Variants in LRPPRC observed in about 807,000 individuals in gnomAD.
LRPPRC encodes the protein leucine-rich PPR motif-containing protein, mitochondrial.
A neutral mutation model predicts 180.3 loss-of-function variants in LRPPRC; 120 were observed. The ratio of observed to expected loss-of-function variants is 0.67; its 90% CI spans 0.57 to 0.77. The LOEUF (loss-of-function observed/expected upper bound fraction) is 0.77. Ranked by LOEUF, LRPPRC falls within the 30% of genes least tolerant of loss-of-function variation. The pLI, the probability that LRPPRC is intolerant of heterozygous loss-of-function variation, is 0.00. For missense variants in LRPPRC, 2,012 were observed against 1,657.2 expected, an observed-to-expected ratio of 1.21 and a Z score of -3.72; for synonymous variants, 723 against 600.0, an observed-to-expected ratio of 1.21 and a Z score of -3.00.
At position 43,976,147 on chromosome 2, in the gene LRPPRC, C is replaced by G; in HGVS notation, c.733G>C (p.Ala245Pro). Residue 245 changes from alanine (A) to proline (P), a missense_variant, in exon 6 of 38, where the codon GCT becomes CCT. Physicochemically the swap from Ala to Pro is conservative, Grantham distance 27. Transcript: ENST00000260665. The part of the protein sequence containing the change: ...FSALVTGHAR[A>P]GDMENAENIL... ...AAACCTTAGGTTGAACATTACCCAG[C>G]TCTGGCATGCCCTGTCACAAGGGCA... 6.2e-7 allele frequency: 1 copy of G among 1,600,018 alleles called. No individual in the cohort carries two copies. Among genetic ancestry groups the G allele is most frequent in the South Asian group, 1.1e-5 (1 of 90,748 alleles).
At chr2:43,916,918 C>G (rs1409680309) in intron 29 of LRPPRC, among the ~76,000 whole-genome samples, 1 of 124,252 alleles carries the variant, frequency 8.0e-6, no homozygotes, top group Non-Finnish European at 1.6e-5. Context: ...GCACTCCAGT[C>G]TGGGTGACAG....
chr2:43,963,170 C>T (rs1673418085), intron 12 of LRPPRC, among the ~76,000 whole-genome samples: 1 of 152,148 alleles, frequency 6.6e-6, no homozygotes, highest in Non-Finnish European at 1.5e-5. Flanking sequence ...CAGGGCCAGG[C>T]GCGGTGGCTG....
intron 1 of LRPPRC, among the ~76,000 whole-genome samples, chr2:43,987,845 T>C (rs533302563): frequency 1.3e-5 from 2 of 152,358 alleles, no homozygotes; most frequent in South Asian, 4.1e-4. Flanking sequence ...ATATATTTAC[T>C]GAGTGCTTTC....
intron 3 of LRPPRC, 61 bp downstream of exon 3, chr2:43,979,765 T>C (rs1254476158): frequency 1.3e-6 from 2 of 1,501,840 alleles, no homozygotes; most frequent in Non-Finnish European, 9.3e-7. Flanking sequence ...ACAAACACTT[T>C]TTTGCAAAAA....
intron 1 of LRPPRC, among the ~76,000 whole-genome samples, chr2:43,990,343 C>A (rs987858993): frequency 6.6e-6 from 1 of 152,192 alleles, no homozygotes; most frequent in Non-Finnish European, 1.5e-5. Flanking sequence ...TCTCAAGAAA[C>A]GGATCTTTTC....
In LRPPRC at chr2:43,946,297, T is replaced by C. The variant is rs1325382519; in HGVS notation, c.2080-54A>G. ...AGAAATCAGTGTGAAGGTAAAAATG[T>C]CACATTTTTAGCTTTACTGTTCAGA... On this transcript the variant is annotated intron_variant, in intron 20 of 37. Transcript: ENST00000260665. 5 of 1,423,378 alleles carry C rather than the reference T, an allele frequency of 3.5e-6. No individual in the cohort carries two copies. The African/African-American group carries it at 7.1e-5, about 20-fold the overall frequency. 88.2% of individuals were successfully genotyped at this position (1,423,378 alleles called of 1,614,324 possible).
At chr2:43,898,013 G>A (rs1572892528) in intron 34 of LRPPRC, among the ~76,000 whole-genome samples, 1 of 115,478 alleles carries the variant, frequency 8.7e-6, no homozygotes, top group Non-Finnish European at 1.8e-5. Flanking sequence ...AAGATAGCAA[G>A]ATAAAACAAT....
At chr2:43,898,966 C>T (rs566446519) in intron 34 of LRPPRC, among the ~76,000 whole-genome samples, 55 of 152,264 alleles carry the variant, frequency 3.6e-4, no homozygotes, top group African/African-American at 1.3e-3. Context: ...TACCTACCCC[C>T]GCACCACCCG....
intron 11 of LRPPRC, among the ~76,000 whole-genome samples, chr2:43,972,791 TTC>T (rs531039984): frequency 1.5e-3 from 226 of 152,338 alleles, no homozygotes; most frequent in Non-Finnish European, 2.7e-3. Flanking sequence ...TGTTTGTGCA[TTC>T]TGTTTGTCAC....
At chr2:43,950,007 C>G (rs1471072444) in intron 15 of LRPPRC, among the ~76,000 whole-genome samples, 3 of 152,076 alleles carry the variant, frequency 2.0e-5, no homozygotes, top group African/African-American at 7.2e-5. Context: ...AATATTATTC[C>G]TCATTATATT....
intron 36 of LRPPRC, among the ~76,000 whole-genome samples, chr2:43,890,706 A>T (rs1670460690): frequency 6.6e-6 from 1 of 152,188 alleles, no homozygotes; most frequent in Non-Finnish European, 1.5e-5. Context: ...AGAGCGAGAC[A>T]CCATCTCAAA....
chr2:43,994,597 G>GCAGTCT (rs1559079568), intron 1 of LRPPRC, among the ~76,000 whole-genome samples: 1 of 151,080 alleles, frequency 6.6e-6, no homozygotes, highest in Admixed American at 6.6e-5. Context: ...TCTGGAGTAG[G>GCAGTCT]CTGCAGTCTG....
Position 43,982,220 on chromosome 2 carries a change from C to G in LRPPRC, c.346+18G>C. The G allele has an allele frequency of 6.5e-7, 1 of 1,539,264 alleles. No homozygotes were observed. The highest frequency in any genetic ancestry group is 1.3e-5 in the South Asian group (1 of 77,758). ...ACCAGCCAAAAGTCAACTTTATGAA[C>G]AGGAAATTTTGAAATACCTGAGCGG... is the stretch of plus-strand genomic sequence containing the variant. On this transcript the variant is annotated intron_variant, in intron 2 of 37. Transcript: ENST00000260665.
intron 14 of LRPPRC, among the ~76,000 whole-genome samples, chr2:43,956,478 C>CGTGTGTGTGTGT (rs56919652): frequency 0.024 from 3,476 of 142,512 alleles, 75 homozygotes; most frequent in East Asian, 0.032. Context: ...AAGAAAAAAA[C>CGTGTGTGTGTGT]GTGTGTGTGT....
At chr2:43,990,866 G>A (rs1206116626) in intron 1 of LRPPRC, among the ~76,000 whole-genome samples, 1 of 138,868 alleles carries the variant, frequency 7.2e-6, no homozygotes. Flanking sequence ...TTTTAATTGA[G>A]ATGGAGTCTC....
chr2:43,948,601 T>C (rs1487409464), intron 16 of LRPPRC, 83 bp from the exon 17 acceptor site: 1 of 787,378 alleles, frequency 1.3e-6, no homozygotes, highest in Non-Finnish European at 2.3e-6. Context: ...AGAAATCATT[T>C]TGGTGTGAGA....
At chr2:43,994,526 G>A (rs887310686) in intron 1 of LRPPRC, among the ~76,000 whole-genome samples, 2 of 152,214 alleles carry the variant, frequency 1.3e-5, no homozygotes, top group Non-Finnish European at 2.9e-5. Context: ...GAGGCCTGGA[G>A]ATGTTAAGTA....
At chr2:43,985,746 G>C (rs1424746298) in intron 1 of LRPPRC, among the ~76,000 whole-genome samples, 2 of 152,160 alleles carry the variant, frequency 1.3e-5, no homozygotes, top group Admixed American at 6.6e-5. Context: ...AGGACATCCA[G>C]GTTGCTTCCA....
intron 23 of LRPPRC, among the ~76,000 whole-genome samples, chr2:43,938,893 AT>A (rs1553401670): frequency 9.4e-6 from 1 of 106,482 alleles, no homozygotes; most frequent in Non-Finnish European, 2.1e-5. Flanking sequence ...AGTGACAACT[AT>A]CTATTTATCT....
Sources: gnomAD v4.1 joint callset for allele counts (sites outside exome capture counted in the v4.1 genomes callset) on GRCh38, gnomAD v4.1.1 for gene constraint, MANE v1.5 for transcripts, NCBI Gene and HGNC (gene_info 2026-07-23, HGNC 2026-07-21) for gene names.